CTNND2: variants seen among roughly 807,000 people sequenced by gnomAD.
The protein encoded by CTNND2 is catenin delta-2.
A neutral mutation model predicts 144.4 loss-of-function variants in CTNND2; 22 were observed. The observed-to-expected ratio is 0.15, with a 90% CI of 0.11 to 0.22. The LOEUF (loss-of-function observed/expected upper bound fraction) is 0.22. CTNND2 is among the 10% of genes least tolerant of loss of function. CTNND2 has a pLI of 1.00. For synonymous variants in CTNND2, 751 were observed against 695.6 expected, an observed-to-expected ratio of 1.08 and a Z score of -1.25; for missense variants, 1,353 against 1,618.8, an observed-to-expected ratio of 0.84 and a Z score of 2.82.
chr5:11,391,099 C>T (rs565710508), intron 6 of CTNND2, among the ~76,000 whole-genome samples: 35 of 146,318 alleles, frequency 2.4e-4, no homozygotes, highest in African/African-American at 8.7e-4. Flanking sequence ...TAAGTTGTGA[C>T]AAGGACATGA....
chr5:11,135,230 T>C (rs1310055662), intron 12 of CTNND2, among the ~76,000 whole-genome samples: 5 of 152,194 alleles, frequency 3.3e-5, no homozygotes, highest in Admixed American at 2.6e-4. Flanking sequence ...TAATGGTTCT[T>C]AGAACTCTGG....
intron 2 of CTNND2, among the ~76,000 whole-genome samples, chr5:11,643,391 C>A (rs987907159): frequency 1.8e-5 from 2 of 114,162 alleles, no homozygotes; most frequent in Non-Finnish European, 3.4e-5. Flanking sequence ...CCCCCTCCCC[C>A]CACCCCACAA....
At chr5:11,462,162 G>T (rs1766278200) in intron 3 of CTNND2, among the ~76,000 whole-genome samples, 1 of 152,022 alleles carries the variant, frequency 6.6e-6, no homozygotes. Context: ...ACACTTCTGT[G>T]GGTTTTGCCC....
At chr5:11,180,534 AG>A (rs1346391953) in intron 11 of CTNND2, among the ~76,000 whole-genome samples, 1 of 152,164 alleles carries the variant, frequency 6.6e-6, no homozygotes, top group Non-Finnish European at 1.5e-5. Context: ...AGCACAAGCA[AG>A]GCTTATGTGC....
intron 10 of CTNND2, among the ~76,000 whole-genome samples, chr5:11,202,626 C>G (rs961025304): frequency 6.6e-6 from 1 of 151,984 alleles, no homozygotes; most frequent in Non-Finnish European, 1.5e-5. Flanking sequence ...GTCCTTGGTT[C>G]TCCCTCCTCC....
At chr5:11,732,069 G>C in intron 2 of CTNND2, 67 bp downstream of exon 2, 3 of 1,493,142 alleles carry the variant, frequency 2.0e-6, no homozygotes, top group Non-Finnish European at 2.8e-6. Flanking sequence ...AATCTTTAAC[G>C]TTCATCTAGA....
At position 11,742,025 on chromosome 5, in the gene CTNND2, T is replaced by A. The variant is rs990787721; in HGVS notation, c.38-9753A>T. On this transcript the variant is annotated intron_variant, in intron 1 of 21. Transcript: ENST00000304623. ...TGAGGACACAAAGGCATAATAATAA[T>A]ACAATGGACTTTGGGGACTCGGGGG... Among the ~76,000 whole-genome samples the A allele has an allele frequency of 4.0e-5, 6 of 151,030 alleles. No individual in the cohort carries two copies. The South Asian group carries it at 1.3e-3, about 32-fold the overall frequency.
At chr5:11,463,638 G>A (rs56030825) in intron 3 of CTNND2, among the ~76,000 whole-genome samples, 22,676 of 151,594 alleles carry the variant, frequency 0.15, 2,444 homozygotes, top group East Asian at 0.55. Flanking sequence ...AAACTCTTTC[G>A]CATGGATATA....
chr5:11,098,800 C>T, intron 14 of CTNND2, 52 bp from the exon 15 acceptor site: 1 of 1,569,522 alleles, frequency 6.4e-7, no homozygotes, highest in Non-Finnish European at 8.7e-7. Context: ...TTATGCTTCC[C>T]AACTTTGCCT....
rs1754507297 is a variant in CTNND2, at chr5:11,343,918, A to T, written c.1628+2454T>A. ...ATATTTCAAAAGCTTGAAAACATTG[A>T]AAAGATTTAAATAATAAGCCATAAC... On this transcript the variant is annotated intron_variant, in intron 9 of 21. Transcript: ENST00000304623. 2.0e-5 allele frequency among the ~76,000 whole-genome samples: 3 copies of T among 152,354 alleles called. No individual in the cohort carries two copies. In the South Asian group the frequency reaches 6.2e-4, roughly 32 times the overall value.
chr5:11,431,401 A>T (rs1763272704), intron 3 of CTNND2, among the ~76,000 whole-genome samples: 1 of 152,194 alleles, frequency 6.6e-6, no homozygotes, highest in Admixed American at 6.5e-5. Context: ...TTAAAAAGGG[A>T]TGTCCATTTT....
intron 9 of CTNND2, among the ~76,000 whole-genome samples, chr5:11,276,052 CAAAT>C (rs893760880): frequency 2.0e-5 from 3 of 152,132 alleles, no homozygotes; most frequent in African/African-American, 7.2e-5. Flanking sequence ...TTCCAGAACA[CAAAT>C]AATGATGTAT....
At chr5:11,098,975 C>T (rs907098541) in intron 14 of CTNND2, among the ~76,000 whole-genome samples, 18 of 152,094 alleles carry the variant, frequency 1.2e-4, no homozygotes, top group African/African-American at 4.3e-4. Context: ...TTGGTGTATG[C>T]ACGCAAGAGA....
chr5:11,871,965 TG>T (rs1735166046), intron 1 of CTNND2, among the ~76,000 whole-genome samples: 2 of 152,128 alleles, frequency 1.3e-5, no homozygotes, highest in South Asian at 4.1e-4. Flanking sequence ...ACACGTGCCA[TG>T]GTGGTTTGCT....
intron 12 of CTNND2, among the ~76,000 whole-genome samples, chr5:11,133,842 T>C (rs917724343): frequency 6.6e-6 from 1 of 152,234 alleles, no homozygotes; most frequent in African/African-American, 2.4e-5. Flanking sequence ...AAGGCTGCCA[T>C]AGTACCGATA....
intron 2 of CTNND2, among the ~76,000 whole-genome samples, chr5:11,612,055 G>A (rs1156426864): frequency 1.7e-5 from 2 of 116,524 alleles, no homozygotes; most frequent in Non-Finnish European, 1.8e-5. Flanking sequence ...TAATATCAGG[G>A]GTTCACCAAG....
At chr5:11,099,995 ATG>A (rs10584172) in intron 14 of CTNND2, among the ~76,000 whole-genome samples, 24,634 of 152,086 alleles carry the variant, frequency 0.16, 3,011 homozygotes, top group East Asian at 0.41. Flanking sequence ...ATGTATATAA[ATG>A]TGTGTGTGTA....
chr5:11,114,378 C>T (rs185063686), intron 13 of CTNND2, among the ~76,000 whole-genome samples: 7 of 150,442 alleles, frequency 4.7e-5, no homozygotes, highest in East Asian at 2.0e-4. Context: ...GGGATGGGGG[C>T]GGATGGGGAG....
chr5:11,844,982 C>G (rs147145667), intron 1 of CTNND2, among the ~76,000 whole-genome samples: 1 of 151,978 alleles, frequency 6.6e-6, no homozygotes, highest in Admixed American at 6.6e-5. Context: ...TTTTCATGAA[C>G]GGGAGCTAGC....
Sources: gnomAD v4.1 joint callset for allele counts (sites outside exome capture counted in the v4.1 genomes callset) on GRCh38, gnomAD v4.1.1 for gene constraint, MANE v1.5 for transcripts, NCBI Gene and HGNC (gene_info 2026-07-23, HGNC 2026-07-21) for gene names.